Variants in ENTREP2 observed in about 807,000 individuals in gnomAD.
The protein encoded by ENTREP2 is endosomal transmembrane epsin interactor 2, also known as protein ENTREP2.
At chr15:29,645,409 AG>A in the ENTREP2 span, among the ~76,000 whole-genome samples, 1 of 152,206 alleles carries the variant, frequency 6.6e-6, no homozygotes, top group Non-Finnish European at 1.5e-5. Context: ...GTCAGACATC[AG>A]GAGCATTTAC....
chr15:29,633,913 C>A, the ENTREP2 span, among the ~76,000 whole-genome samples: 1 of 151,938 alleles, frequency 6.6e-6, no homozygotes, highest in South Asian at 2.1e-4. Flanking sequence ...GAGTCGAGAT[C>A]GTGCCTCTGC....
the ENTREP2 span, among the ~76,000 whole-genome samples, chr15:29,616,190 C>T: frequency 1.3e-5 from 2 of 152,186 alleles, no homozygotes; most frequent in African/African-American, 2.4e-5. Context: ...TGGAATAAAT[C>T]CTTTGTGCAA....
the ENTREP2 span, among the ~76,000 whole-genome samples, chr15:29,520,845 G>A: frequency 6.6e-6 from 1 of 152,056 alleles, no homozygotes; most frequent in Non-Finnish European, 1.5e-5. Context: ...AAATAAATAG[G>A]AAGAAATCTG....
At chr15:29,455,201 G>A in the ENTREP2 span, among the ~76,000 whole-genome samples, 1 of 152,024 alleles carries the variant, frequency 6.6e-6, no homozygotes, top group Admixed American at 6.6e-5. Flanking sequence ...CAGTTTACAG[G>A]CAGCCATCCT....
chr15:29,506,114 T>G, the ENTREP2 span, among the ~76,000 whole-genome samples: 1 of 152,000 alleles, frequency 6.6e-6, no homozygotes, highest in Non-Finnish European at 1.5e-5. Flanking sequence ...TCGTGAAGCA[T>G]ACACAAGTAT....
chr15:29,392,183 C>T, the ENTREP2 span, among the ~76,000 whole-genome samples: 3 of 151,860 alleles, frequency 2.0e-5, no homozygotes, highest in Non-Finnish European at 2.9e-5. Context: ...AGGATGGTCT[C>T]GATCTCCTGA....
the ENTREP2 span, among the ~76,000 whole-genome samples, chr15:29,177,434 C>T: frequency 4.9e-4 from 74 of 152,302 alleles, no homozygotes; most frequent in East Asian, 2.3e-3. Flanking sequence ...CTTTATTTTG[C>T]GCTCTCACAG....
the ENTREP2 span, among the ~76,000 whole-genome samples, chr15:29,391,170 C>A: frequency 3.6e-4 from 55 of 152,108 alleles, no homozygotes; most frequent in Non-Finnish European, 6.6e-4. Context: ...CCTCTACCAT[C>A]TGTCTCTACC....
the ENTREP2 span, among the ~76,000 whole-genome samples, chr15:29,310,107 T>A: frequency 6.6e-6 from 1 of 152,062 alleles, no homozygotes; most frequent in African/African-American, 2.4e-5. Context: ...GGGCATCATG[T>A]CCTGTCATGA....
At chr15:29,207,473 T>G in the ENTREP2 span, among the ~76,000 whole-genome samples, 1 of 150,940 alleles carries the variant, frequency 6.6e-6, no homozygotes, top group African/African-American at 2.5e-5. Flanking sequence ...GTGGCCAGCT[T>G]TTATTCCCTT....
chr15:29,183,667 T>C, the ENTREP2 span, among the ~76,000 whole-genome samples: 665 of 152,230 alleles, frequency 4.4e-3, 20 homozygotes, highest in East Asian at 0.055. Flanking sequence ...GGGGTGAGAA[T>C]AGAAACTGGC....
the ENTREP2 span, among the ~76,000 whole-genome samples, chr15:29,510,872 G>T: frequency 2.0e-5 from 3 of 151,108 alleles, no homozygotes; most frequent in Non-Finnish European, 4.4e-5. Context: ...AAAAAAGAAT[G>T]AGTTCATGTC....
At chr15:29,538,443 G>A in the ENTREP2 span, among the ~76,000 whole-genome samples, 3 of 151,970 alleles carry the variant, frequency 2.0e-5, no homozygotes, top group Non-Finnish European at 2.9e-5. Context: ...GGAAGTGAGG[G>A]CATGAAGAGA....
At chr15:29,594,162 T>TA in the ENTREP2 span, among the ~76,000 whole-genome samples, 1 of 152,156 alleles carries the variant, frequency 6.6e-6, no homozygotes, top group Admixed American at 6.5e-5. Flanking sequence ...AGGATGCAGC[T>TA]ATGAGCGCAA....
At chr15:29,648,305 A>G in the ENTREP2 span, among the ~76,000 whole-genome samples, 1 of 152,156 alleles carries the variant, frequency 6.6e-6, no homozygotes, top group African/African-American at 2.4e-5. Context: ...GTGCTTCTGT[A>G]GATATTATCC....
the ENTREP2 span, among the ~76,000 whole-genome samples, chr15:29,178,181 C>G: frequency 2.6e-5 from 4 of 151,338 alleles, no homozygotes; most frequent in African/African-American, 9.7e-5. Context: ...ATGGTCCCAG[C>G]TACTCCAGAG....
the ENTREP2 span, among the ~76,000 whole-genome samples, chr15:29,303,096 C>T: frequency 1.3e-5 from 2 of 152,144 alleles, no homozygotes; most frequent in East Asian, 3.9e-4. Context: ...TTCTAAGATA[C>T]TTCGGAGCCC....
At chr15:29,575,102 T>G in the ENTREP2 span, among the ~76,000 whole-genome samples, 1 of 151,742 alleles carries the variant, frequency 6.6e-6, no homozygotes, top group Non-Finnish European at 1.5e-5. Context: ...AGTTCAGGAG[T>G]CTCCAAAGGT....
At chr15:29,199,190 C>T in the ENTREP2 span, among the ~76,000 whole-genome samples, 4 of 152,182 alleles carry the variant, frequency 2.6e-5, no homozygotes, top group African/African-American at 9.7e-5. Context: ...AGTGGCTGTA[C>T]CAATTTACAC....
Sources: gnomAD v4.1 joint callset for allele counts (sites outside exome capture counted in the v4.1 genomes callset) on GRCh38, gnomAD v4.1.1 for gene constraint, MANE v1.5 for transcripts, NCBI Gene and HGNC (gene_info 2026-07-23, HGNC 2026-07-21) for gene names.